The following CNIH3 variants were observed in gnomAD, a reference collection of about 807,000 sequenced individuals.
CNIH3 encodes the protein protein cornichon homolog 3.
Under a neutral mutation model 24.1 loss-of-function variants are expected in CNIH3, and 14 were observed. The observed-to-expected ratio is 0.58, with a 90% CI of 0.38 to 0.91. CNIH3 has a LOEUF of 0.91. Ranked by LOEUF, CNIH3 falls within the 40% of genes least tolerant of loss-of-function variation. The pLI is 0.00. For synonymous variants in CNIH3, 68 were observed against 73.8 expected, an observed-to-expected ratio of 0.92 and a Z score of 0.40; for missense variants, 178 against 196.8, an observed-to-expected ratio of 0.90 and a Z score of 0.57.
chr1:224,661,703 A>G (rs748754889), intron 1 of CNIH3: 7 of 196,250 alleles, frequency 3.6e-5, no homozygotes, highest in Non-Finnish European at 7.5e-5. Flanking sequence ...AAATTAAGCT[A>G]TCTTATTTTC....
chr1:224,552,688 G>A (rs2124968967), intron 3 of CNIH3, among the ~76,000 whole-genome samples: 1 of 151,412 alleles, frequency 6.6e-6, no homozygotes, highest in South Asian at 2.1e-4. Flanking sequence ...AGGGTGGACT[G>A]TGATTTTAGG....
At chr1:224,506,053 C>T (rs528270075) in intron 1 of CNIH3, among the ~76,000 whole-genome samples, 6 of 152,282 alleles carry the variant, frequency 3.9e-5, no homozygotes, top group Non-Finnish European at 8.8e-5. Flanking sequence ...AGACCCAAGC[C>T]TTTTTATTTT....
At chr1:224,619,123 C>G (rs1484540438) in intron 1 of CNIH3, among the ~76,000 whole-genome samples, 1 of 152,230 alleles carries the variant, frequency 6.6e-6, no homozygotes, top group Non-Finnish European at 1.5e-5. Flanking sequence ...AGAGAGCTCC[C>G]TCAAACTCGA....
chr1:224,691,418 G>A (rs923091318), intron 3 of CNIH3, among the ~76,000 whole-genome samples: 4 of 152,216 alleles, frequency 2.6e-5, no homozygotes, highest in Admixed American at 1.3e-4. Context: ...TGCAAAGTGG[G>A]CAGGCGTGGG....
At chr1:224,507,241 A>G (rs1677957259) in intron 1 of CNIH3, among the ~76,000 whole-genome samples, 1 of 152,186 alleles carries the variant, frequency 6.6e-6, no homozygotes. Context: ...GTAGCAACCC[A>G]GAAAAGAGCG....
At chr1:224,557,403 C>T (rs548241897) in intron 3 of CNIH3, among the ~76,000 whole-genome samples, 2 of 152,212 alleles carry the variant, frequency 1.3e-5, no homozygotes, top group East Asian at 3.9e-4. Context: ...AGAAAACCCC[C>T]TCACAAAATC....
At chr1:224,670,845 C>G (rs1429274271) in intron 1 of CNIH3, among the ~76,000 whole-genome samples, 3 of 152,232 alleles carry the variant, frequency 2.0e-5, no homozygotes, top group Admixed American at 1.3e-4. Context: ...CTTTGCATGT[C>G]AATGTGACTT....
At chr1:224,463,471 C>G (rs1276281422) in intron 1 of CNIH3, among the ~76,000 whole-genome samples, 1 of 151,082 alleles carries the variant, frequency 6.6e-6, no homozygotes, top group Non-Finnish European at 1.5e-5. Flanking sequence ...TGCAATCGCA[C>G]GGTCTCTGCT....
At chr1:224,662,094 G>A (rs1168927085) in intron 1 of CNIH3, among the ~76,000 whole-genome samples, 1 of 152,112 alleles carries the variant, frequency 6.6e-6, no homozygotes, top group African/African-American at 2.4e-5. Flanking sequence ...TTATAGGTAA[G>A]AACATTCCAT....
At chr1:224,709,113 A>T (rs1687987886) in intron 3 of CNIH3, among the ~76,000 whole-genome samples, 1 of 152,182 alleles carries the variant, frequency 6.6e-6, no homozygotes, top group Admixed American at 6.5e-5. Context: ...GTCTAGCACC[A>T]CATGGTTTTG....
At chr1:224,560,026 G>A (rs1680299208) in intron 3 of CNIH3, among the ~76,000 whole-genome samples, 1 of 152,020 alleles carries the variant, frequency 6.6e-6, no homozygotes, top group Non-Finnish European at 1.5e-5. Context: ...GTGTCACTCA[G>A]CATTGTATTT....
chr1:224,575,725 T>C (rs1681008607), intron 4 of CNIH3, among the ~76,000 whole-genome samples: 1 of 152,100 alleles, frequency 6.6e-6, no homozygotes, highest in African/African-American at 2.4e-5. Context: ...AGACTTCTCT[T>C]TACCTCAAAT....
intron 1 of CNIH3, among the ~76,000 whole-genome samples, chr1:224,619,052 C>T (rs1683162709): frequency 6.6e-6 from 1 of 152,228 alleles, no homozygotes; most frequent in Admixed American, 6.5e-5. Flanking sequence ...ACTCCCTTTT[C>T]TTCTGCAATA....
intron 1 of CNIH3, among the ~76,000 whole-genome samples, chr1:224,626,908 A>T (rs1683562151): frequency 6.6e-6 from 1 of 152,052 alleles, no homozygotes; most frequent in African/African-American, 2.4e-5. Context: ...ATCATCAGCA[A>T]CTCTGCTCAC....
chr1:224,717,268 C>G (rs1009488452), intron 3 of CNIH3, among the ~76,000 whole-genome samples: 2 of 152,180 alleles, frequency 1.3e-5, no homozygotes, highest in African/African-American at 4.8e-5. Flanking sequence ...GATGAGGGCC[C>G]TCTTCCTGAT....
chr1:224,466,703 A>G (rs1244374850), intron 1 of CNIH3, among the ~76,000 whole-genome samples: 5 of 152,238 alleles, frequency 3.3e-5, no homozygotes, highest in African/African-American at 9.6e-5. Context: ...TAGCTATCCC[A>G]TTCTACATTC....
chr1:224,524,490 A>T (rs536282896), intron 2 of CNIH3, among the ~76,000 whole-genome samples: 1 of 152,212 alleles, frequency 6.6e-6, no homozygotes, highest in African/African-American at 2.4e-5. Flanking sequence ...CTATATACAG[A>T]TCACCTTGAT....
At chr1:224,666,684 G>A (rs1463656885) in intron 1 of CNIH3, among the ~76,000 whole-genome samples, 1 of 152,144 alleles carries the variant, frequency 6.6e-6, no homozygotes, top group Non-Finnish European at 1.5e-5. Context: ...TCTGTCCATT[G>A]GGTACAACAT....
intron 1 of CNIH3, among the ~76,000 whole-genome samples, chr1:224,502,917 G>A (rs920191404): frequency 6.6e-6 from 1 of 152,110 alleles, no homozygotes. Flanking sequence ...GAGTTGACAG[G>A]GGGTAGAACA....
Sources: gnomAD v4.1 joint callset for allele counts (sites outside exome capture counted in the v4.1 genomes callset) on GRCh38, gnomAD v4.1.1 for gene constraint, MANE v1.5 for transcripts, NCBI Gene and HGNC (gene_info 2026-07-23, HGNC 2026-07-21) for gene names.